LONRF3: variants seen among roughly 807,000 people sequenced by gnomAD.
LONRF3 encodes the protein LON peptidase N-terminal domain and RING finger protein 3.
LONRF3 carries 19 observed loss-of-function variants against 51.7 expected under a neutral mutation model. The ratio of observed to expected loss-of-function variants is 0.37; its 90% CI spans 0.26 to 0.54. The LOEUF is 0.54. LONRF3 is among the 20% of genes least tolerant of loss of function. The pLI, the probability that LONRF3 is intolerant of heterozygous loss-of-function variation, is 0.86. For missense variants in LONRF3, 521 were observed against 623.9 expected, an observed-to-expected ratio of 0.84 and a Z score of 1.76; for synonymous variants, 265 against 257.8, an observed-to-expected ratio of 1.03 and a Z score of -0.27.
chrX:118,990,432 G>T (rs1296542403), intron 4 of LONRF3, 38 bp from the exon 5 acceptor site: 3 of 1,070,747 alleles, frequency 2.8e-6, no homozygotes, highest in Non-Finnish European at 3.9e-6. Flanking sequence ...TGAAACCGGG[G>T]TGGCTCCAGC....
intron 2 of LONRF3, among the ~76,000 whole-genome samples, chrX:118,981,500 G>T (rs868206725): frequency 1.8e-5 from 1 of 54,896 alleles, no homozygotes; most frequent in African/African-American, 6.7e-5. Context: ...AAAAAAAAAA[G>T]AGTATATGGA....
intron 9 of LONRF3, 72 bp from the exon 10 acceptor site, chrX:119,014,135 C>T: frequency 9.4e-7 from 1 of 1,064,227 alleles, no homozygotes; most frequent in South Asian, 2.2e-5. Context: ...CAAAGCGAAT[C>T]AGGTGTCAAA....
At position 119,003,918 on chromosome X, in the gene LONRF3, C is replaced by G. The variant is rs772590261; in HGVS notation, c.1416-2203C>G. On this transcript the variant is annotated intron_variant, in intron 5 of 10. Transcript: ENST00000371628. ...TTTTAAAAGGAGTTGCAAATGTTATCTTTAAGATGATGACATTTCTAATGT... is the reference window on the plus strand; with the variant it reads ...TTTTAAAAGGAGTTGCAAATGTTATGTTTAAGATGATGACATTTCTAATGT... 2.7e-5 allele frequency among the ~76,000 whole-genome samples: 3 copies of G among 111,884 alleles called. No homozygotes were observed. The South Asian group carries it at 1.1e-3, about 42-fold the overall frequency.
rs1193418969 is a variant in LONRF3, at chrX:118,990,529, G to A, written c.1384G>A (p.Ala462Thr). ...CAGTTTACCACTTGCATCTTTCGACGCATCTGACCTTGAATGCGCTCTATG... is the reference window on the plus strand; with the variant it reads ...CAGTTTACCACTTGCATCTTTCGACACATCTGACCTTGAATGCGCTCTATG... ...ALSLPLASFDASDLECALCMR... is the reference protein window; with the variant it reads ...ALSLPLASFDTSDLECALCMR... Residue 462 changes from alanine (A) to threonine (T), a missense_variant, in exon 5 of 11, where the codon GCA becomes ACA. This residue lies in a region of LONRF3 where 145 missense variants were observed against 247.2 expected (regional missense o/e 0.59). Transcript: ENST00000371628. The A allele has an allele frequency of 3.3e-6, 4 of 1,207,576 alleles. No homozygotes were observed. In the African/African-American group the frequency reaches 5.2e-5, roughly 16 times the overall value.
Position 118,989,498 on chromosome X carries a change from G to A in LONRF3, c.1150G>A (p.Gly384Arg). ...SSLMDPAKVK[G>R]DGQQHHMKDQ... Reference sequence around the variant, plus strand: ...TCTGATGGACCCAGCTAAAGTGAAGGGGGATGGTCAGCAGCACCACATGAA... The same window carrying A: ...TCTGATGGACCCAGCTAAAGTGAAGAGGGATGGTCAGCAGCACCACATGAA... Residue 384 changes from glycine to arginine, a missense_variant, in exon 4 of 11, where the codon GGG (glycine) becomes AGG (arginine). By Grantham distance (125) the Gly-to-Arg change is moderately radical. This residue lies in a region of LONRF3 where 376 missense variants were observed against 376.7 expected (regional missense o/e 1.00). Transcript: ENST00000371628. 1.7e-6 allele frequency: 2 copies of A among 1,211,783 alleles called. No individual in the cohort carries two copies. Among genetic ancestry groups the A allele is most frequent in the Non-Finnish European group, 2.2e-6 (2 of 895,510 alleles).
chrX:119,015,604 A>C (rs1189534586), intron 10 of LONRF3, among the ~76,000 whole-genome samples: 1 of 112,022 alleles, frequency 8.9e-6, no homozygotes, highest in African/African-American at 3.2e-5. Flanking sequence ...ACTCACGATC[A>C]AGCTTAATGT....
At chrX:119,007,441 A>C (rs1187894499) in intron 6 of LONRF3, among the ~76,000 whole-genome samples, 1 of 112,038 alleles carries the variant, frequency 8.9e-6, no homozygotes, top group Non-Finnish European at 1.9e-5. Flanking sequence ...AACTAATCAC[A>C]CAAACTCCCA....
chrX:118,986,788 T>G lies in LONRF3; in HGVS notation c.1060-2620T>G. 4 of 487,497 alleles carry G rather than the reference T, an allele frequency of 8.2e-6. No homozygotes were observed. In the South Asian group the frequency reaches 1.4e-4, roughly 17 times the overall value. 40.2% of individuals were successfully genotyped at this position (487,497 alleles called of 1,213,427 possible). A position where few individuals can be genotyped will look rare whatever the true frequency, so the allele number is the denominator to read the frequency against. On this transcript the variant is annotated intron_variant, in intron 3 of 10. Transcript: ENST00000371628. ...CGAGGACCCCTGCCCTGGTGTGGTGTGTTAGGGACACTGGTCCAAGGCTTC... is the reference window on the plus strand; with the variant it reads ...CGAGGACCCCTGCCCTGGTGTGGTGGGTTAGGGACACTGGTCCAAGGCTTC...
chrX:119,004,193 T>A (rs185618271), intron 5 of LONRF3, among the ~76,000 whole-genome samples: 68 of 112,051 alleles, frequency 6.1e-4, no homozygotes, highest in Non-Finnish European at 6.2e-4. Flanking sequence ...AACTTTGCTT[T>A]TTGGCCAATT....
rs142726953 is a variant in LONRF3, at chrX:118,998,320, G to C, written c.1415+7760G>C. Among the ~76,000 whole-genome samples, 104 of 112,329 alleles carry C rather than the reference G, an allele frequency of 9.3e-4. No homozygotes were observed. The East Asian group carries it at 0.023, about 25-fold the overall frequency. On this transcript the variant is annotated intron_variant, in intron 5 of 10. Transcript: ENST00000371628. ...AGTTAACAGCATTTGCAGTGACCTG[G>C]ATGAGATTGGAGACTATTTTAAGTG...
intron 5 of LONRF3, among the ~76,000 whole-genome samples, chrX:119,001,787 C>G (rs1039228093): frequency 8.0e-5 from 9 of 112,698 alleles, no homozygotes; most frequent in Non-Finnish European, 1.5e-4. Context: ...CATCTGCTCA[C>G]TAAATGTCAG....
At chrX:119,017,427 C>G (rs1925536362) in intron 10 of LONRF3, 108 bp from the exon 11 acceptor site, 1 of 760,704 alleles carries the variant, frequency 1.3e-6, no homozygotes, top group Admixed American at 3.4e-5. Flanking sequence ...TAGCAATCTG[C>G]CACATGGAGT....
At chrX:119,002,331 G>A (rs1277349149) in intron 5 of LONRF3, among the ~76,000 whole-genome samples, 1 of 111,857 alleles carries the variant, frequency 8.9e-6, no homozygotes, top group Non-Finnish European at 1.9e-5. Context: ...GTATCTAGGC[G>A]ATGCAATCTA....
intron 10 of LONRF3, among the ~76,000 whole-genome samples, chrX:119,017,286 T>C (rs961136469): frequency 8.9e-6 from 1 of 111,985 alleles, no homozygotes; most frequent in Non-Finnish European, 1.9e-5. Context: ...ATCACTTCCC[T>C]TTACATCTCA....
intron 5 of LONRF3, among the ~76,000 whole-genome samples, chrX:119,002,801 A>T (rs1487779643): frequency 2.8e-5 from 3 of 105,719 alleles, no homozygotes; most frequent in African/African-American, 1.0e-4. Context: ...TTGTTTTTTT[A>T]TTTTTTTTTT....
At chrX:118,976,022 C>T (rs1678018081) in intron 1 of LONRF3, among the ~76,000 whole-genome samples, 2 of 112,691 alleles carry the variant, frequency 1.8e-5, no homozygotes, top group South Asian at 7.4e-4. Context: ...TCCTCTTACA[C>T]CTGCTCGCAC....
At chrX:119,009,434 A>G (rs1391899294) in intron 7 of LONRF3, among the ~76,000 whole-genome samples, 187 bp downstream of exon 7, 1 of 111,788 alleles carries the variant, frequency 8.9e-6, no homozygotes, top group Non-Finnish European at 1.9e-5. Flanking sequence ...GCACCCAGAG[A>G]GCCAGTTGTT....
intron 5 of LONRF3, among the ~76,000 whole-genome samples, chrX:119,000,974 G>T (rs1397016827): frequency 9.0e-6 from 1 of 110,888 alleles, no homozygotes; most frequent in Non-Finnish European, 1.9e-5. Context: ...GTAACTGGTG[G>T]GAAAAGATAG....
chrX:119,013,776 A>G (rs1465722194), intron 9 of LONRF3, among the ~76,000 whole-genome samples: 1 of 112,141 alleles, frequency 8.9e-6, no homozygotes, highest in African/African-American at 3.2e-5. Context: ...ATTAATAAAT[A>G]TCTGATGACT....
Sources: gnomAD v4.1 joint callset for allele counts (sites outside exome capture counted in the v4.1 genomes callset) on GRCh38, gnomAD v4.1.1 for gene constraint, gnomAD v4.1.1 regional missense constraint, MANE v1.5 for transcripts, NCBI Gene and HGNC (gene_info 2026-07-23, HGNC 2026-07-21) for gene names.